Variants in MAP2 observed in about 807,000 individuals in gnomAD.
MAP2 encodes the protein microtubule associated protein 2.
Under a neutral mutation model 137.6 loss-of-function variants are expected in MAP2, and 14 were observed. The ratio of observed to expected loss-of-function variants is 0.10; its 90% CI spans 0.07 to 0.16. The LOEUF is 0.16. MAP2 is among the 10% of genes least tolerant of loss of function. MAP2 has a pLI of 1.00. For synonymous variants in MAP2, 786 were observed against 782.3 expected (o/e 1.00, Z -0.08); for missense variants, 2,088 against 2,191.5 (o/e 0.95, Z 0.94).
Position 209,574,369 on chromosome 2 carries a change from G to A in MAP2, c.-171-5667G>A, listed in dbSNP as rs577871196. ...TACTACACTTAGCATAATGTCCTCCGGGCTAATCTACATTGTGGCAAATGG... is the reference window on the plus strand; with the variant it reads ...TACTACACTTAGCATAATGTCCTCCAGGCTAATCTACATTGTGGCAAATGG... On this transcript the variant is annotated intron_variant, in intron 2 of 15. Coordinates refer to ENST00000682079, the MANE Select transcript of MAP2 (RefSeq NM_001375505.1). Among the ~76,000 whole-genome samples the A allele has an allele frequency of 9.9e-5, 15 of 151,612 alleles. No individual in the cohort carries two copies. The South Asian group carries it at 1.7e-3, about 17-fold the overall frequency.
intron 3 of MAP2, among the ~76,000 whole-genome samples, chr2:209,594,194 G>A (rs2153442574): frequency 6.7e-6 from 1 of 148,662 alleles, no homozygotes; most frequent in Admixed American, 6.7e-5. Flanking sequence ...CAGCTGGCAA[G>A]CTGGCAATGA....
intron 3 of MAP2, among the ~76,000 whole-genome samples, chr2:209,593,906 G>GTATATT (rs1553608754): frequency 8.5e-6 from 1 of 117,280 alleles, no homozygotes; most frequent in Non-Finnish European, 1.6e-5. Context: ...AAATATATAA[G>GTATATT]TATATATTTA....
chr2:209,464,144 T>C (rs913023163), intron 1 of MAP2, among the ~76,000 whole-genome samples: 1 of 152,160 alleles, frequency 6.6e-6, no homozygotes. Flanking sequence ...GACTGTGCTC[T>C]ATGCCATCCC....
Position 209,695,810 on chromosome 2 carries a change from C to A in MAP2, c.3640C>A (p.Pro1214Thr). The A allele has an allele frequency of 1.9e-6, 3 of 1,614,016 alleles. No homozygotes were observed. The highest frequency in any genetic ancestry group is 2.5e-6 in the Non-Finnish European group (3 of 1,179,960). Residue 1214 changes from proline to threonine, a missense_variant, in exon 8 of 16, where the codon CCT becomes ACT. Coordinates refer to ENST00000682079, the MANE Select transcript of MAP2 (RefSeq NM_001375505.1). ...AGAGACCCCAGATATATCCATCACG[C>A]CTTCTGATGTTGCAGAGCCATTGCA... The part of the protein sequence containing the change: ...SKETPDISIT[P>T]SDVAEPLHET...
rs559626911 is a variant in MAP2 at position 209,498,008 on chromosome 2, T to C, written c.-221-9584T>C. Reference sequence around the variant, plus strand: ...ATGGTTCCCCAATGTCTTAACTCATTCCAGCATTAATTCAAAAGTACAAAG... The same window carrying C: ...ATGGTTCCCCAATGTCTTAACTCATCCCAGCATTAATTCAAAAGTACAAAG... On this transcript the variant is annotated intron_variant, in intron 1 of 15. Coordinates refer to ENST00000682079, the MANE Select transcript of MAP2 (RefSeq NM_001375505.1). Among the ~76,000 whole-genome samples, 98 of 152,336 alleles carry C rather than the reference T, an allele frequency of 6.4e-4. No individual in the cohort carries two copies. The East Asian group carries it at 0.018, about 28-fold the overall frequency.
chr2:209,557,810 AG>A (rs534348090), intron 2 of MAP2, among the ~76,000 whole-genome samples: 232 of 152,364 alleles, frequency 1.5e-3, no homozygotes, highest in Middle Eastern at 3.4e-3. Flanking sequence ...GAAAAAGCAC[AG>A]GATGTGCACT....
At position 209,506,312 on chromosome 2, in the gene MAP2, G is replaced by T. The variant is rs747453756; in HGVS notation, c.-221-1280G>T. On this transcript the variant is annotated intron_variant, in intron 1 of 15. Transcript: ENST00000682079. Reference sequence around the variant, plus strand: ...TTCATATTCAGTTGTATTTTCTGTGGTTTACTAGTATTTTCTTTGTCTTAT... The same window carrying T: ...TTCATATTCAGTTGTATTTTCTGTGTTTTACTAGTATTTTCTTTGTCTTAT... Among the ~76,000 whole-genome samples, 59 of 152,220 alleles carry T rather than the reference G, an allele frequency of 3.9e-4. 2 individuals carry two copies. Among genetic ancestry groups the T allele is most frequent in the South Asian group, 6.2e-4 (3 of 4,822 alleles).
intron 5 of MAP2, among the ~76,000 whole-genome samples, chr2:209,655,879 T>C (rs1347408116): frequency 6.6e-6 from 1 of 152,240 alleles, no homozygotes; most frequent in East Asian, 1.9e-4. Context: ...CATTACTGAT[T>C]AAATCAAAGA....
intron 1 of MAP2, among the ~76,000 whole-genome samples, chr2:209,487,936 A>G (rs186260179): frequency 1.2e-4 from 18 of 152,370 alleles, no homozygotes; most frequent in African/African-American, 3.8e-4. Flanking sequence ...ACTTTTTGCC[A>G]TACATCTTTG....
chr2:209,531,338 T>A (rs1315089672), intron 2 of MAP2, among the ~76,000 whole-genome samples: 1 of 152,170 alleles, frequency 6.6e-6, no homozygotes, highest in East Asian at 1.9e-4. Context: ...CATGCAGAAA[T>A]TTTTCCTCAT....
chr2:209,447,238 T>G (rs535565580), intron 1 of MAP2, among the ~76,000 whole-genome samples: 112 of 152,118 alleles, frequency 7.4e-4, no homozygotes, highest in Admixed American at 1.4e-3. Context: ...AACTTTCTAT[T>G]TGATAAAAAT....
intron 2 of MAP2, among the ~76,000 whole-genome samples, chr2:209,555,925 T>C (rs1372602470): frequency 6.6e-6 from 1 of 152,128 alleles, no homozygotes; most frequent in Non-Finnish European, 1.5e-5. Context: ...GCCTAGTGGT[T>C]GTGTTCTAAC....
At chr2:209,467,417 A>G (rs1368490546) in intron 1 of MAP2, among the ~76,000 whole-genome samples, 2 of 152,138 alleles carry the variant, frequency 1.3e-5, no homozygotes, top group Non-Finnish European at 2.9e-5. Flanking sequence ...ACAACATACC[A>G]TTGAGGACTA....
At chr2:209,529,827 C>CA (rs1244743580) in intron 2 of MAP2, among the ~76,000 whole-genome samples, 3 of 152,122 alleles carry the variant, frequency 2.0e-5, no homozygotes, top group Non-Finnish European at 4.4e-5. Context: ...ACCAATTACT[C>CA]ACGTCTTGAC....
intron 2 of MAP2, among the ~76,000 whole-genome samples, chr2:209,521,571 A>T (rs12694182): frequency 0.52 from 79,046 of 151,200 alleles, 22,701 homozygotes; most frequent in African/African-American, 0.77. Flanking sequence ...AAAAAAAAAA[A>T]TTTTTTAGGT....
intron 2 of MAP2, among the ~76,000 whole-genome samples, chr2:209,543,995 C>T (rs569609348): frequency 7.9e-5 from 12 of 152,090 alleles, no homozygotes; most frequent in African/African-American, 2.4e-4. Context: ...TTTGGGAGGC[C>T]GAGGTGGGCG....
At chr2:209,688,205 AAG>A (rs143555045) in intron 7 of MAP2, among the ~76,000 whole-genome samples, 1 of 152,074 alleles carries the variant, frequency 6.6e-6, no homozygotes, top group Non-Finnish European at 1.5e-5. Context: ...AAGGAAGAAA[AAG>A]AGAGAGAGAA....
chr2:209,591,501 C>T (rs1222981057), intron 3 of MAP2, among the ~76,000 whole-genome samples: 2 of 150,472 alleles, frequency 1.3e-5, no homozygotes, highest in Non-Finnish European at 2.9e-5. Context: ...CTGCCTTAAA[C>T]AGTACTTATC....
Position 209,693,889 on chromosome 2 carries a change from T to C in MAP2, c.1719T>C (p.Phe573=), listed in dbSNP as rs751925528. The C allele has an allele frequency of 1.9e-6, 3 of 1,611,520 alleles. No homozygotes were observed. The highest frequency in any genetic ancestry group is 1.7e-6 in the Non-Finnish European group (2 of 1,179,274). Residue 573 remains phenylalanine, a synonymous_variant, in exon 8 of 16, where the codon TTT becomes TTC. Coordinates refer to ENST00000682079, the MANE Select transcript of MAP2 (RefSeq NM_001375505.1). The part of the protein sequence containing the change: ...YEDKSGMSKY[F]ETSALKEEAT... ...ATAAATCAGGAATGTCCAAGTACTTTGAAACATCTGCCTTGAAAGAAGAAG... is the reference window on the plus strand; with the variant it reads ...ATAAATCAGGAATGTCCAAGTACTTCGAAACATCTGCCTTGAAAGAAGAAG...
Sources: gnomAD v4.1 joint callset for allele counts (sites outside exome capture counted in the v4.1 genomes callset) on GRCh38, gnomAD v4.1.1 for gene constraint, MANE v1.5 for transcripts, NCBI Gene and HGNC (gene_info 2026-07-23, HGNC 2026-07-21) for gene names.